VAX1: variants seen among roughly 807,000 people sequenced by gnomAD.
The protein encoded by VAX1 is ventral anterior homeobox 1.
In VAX1, 6 loss-of-function variants were observed where a neutral mutation model predicts 17.6. The ratio of observed to expected loss-of-function variants is 0.34; its 90% CI spans 0.19 to 0.67. The LOEUF (loss-of-function observed/expected upper bound fraction) is 0.67, where lower values mean the gene tolerates loss of function less well. Among genes scored for constraint, VAX1 ranks in the 30% least tolerant of loss-of-function variants. The probability of loss-of-function intolerance (pLI) is 0.69; values close to 1 mark genes in which losing one functional copy is unlikely to be tolerated. For synonymous variants in VAX1, 256 were observed against 227.4 expected (o/e 1.13, Z -1.13); for missense variants, 408 against 463.7 (o/e 0.88, Z 1.10).
downstream of VAX1, among the ~76,000 whole-genome samples, chr10:117,132,683 G>T (rs1295301785): frequency 6.6e-6 from 1 of 152,132 alleles, no homozygotes; most frequent in African/African-American, 2.4e-5. This position sits in a 1 kb window ranked among gnomAD's most constrained non-coding sequence, Gnocchi z 4.9. Context: ...GCTGCGCAGG[G>T]TAAGGAAAGA....
chr10:117,129,812 G>A (rs1199138201), downstream of VAX1: 1 of 152,036 alleles, frequency 6.6e-6, no homozygotes, highest in Non-Finnish European at 1.5e-5. Context: ...GTTTAAAGAT[G>A]TCATTCTAGA....
At position 117,136,402 on chromosome 10, in the gene VAX1, G is replaced by A. The variant is rs1282038294; in HGVS notation, c.429+70C>T. On this transcript the variant is annotated intron_variant, in intron 2 of 2. Transcript: ENST00000369206. The surrounding 1 kb of genome is among the most constrained non-coding windows in gnomAD (Gnocchi z 5.0). ...TGTCCAGAGCAGGTTAGGAGGTGAA[G>A]AGCAGGCTAGGTAGGGGTGGTGGGG... 22 of 1,586,760 alleles carry A rather than the reference G, an allele frequency of 1.4e-5. No individual in the cohort carries two copies. In the Admixed American group the frequency reaches 3.8e-4, roughly 27 times the overall value.
chr10:117,132,130 C>T (rs1432641503), downstream of VAX1: 57 of 1,403,700 alleles, frequency 4.1e-5, no homozygotes, highest in Non-Finnish European at 5.3e-5. The surrounding 1 kb of genome is among the most constrained non-coding windows in gnomAD (Gnocchi z 4.9). Flanking sequence ...CGTAGCCAGG[C>T]GTCTCTGCCT....
chr10:117,130,818 CAGGGAGGGA>C (rs1277783032), downstream of VAX1: 1 of 152,544 alleles, frequency 6.6e-6, no homozygotes, highest in Non-Finnish European at 1.5e-5. Context: ...TTCCCAAAGC[CAGGGAGGGA>C]AGGGAGGTGA....
chr10:117,133,237 A>G (rs1001388995), downstream of VAX1: 3 of 978,900 alleles, frequency 3.1e-6, no homozygotes, highest in Non-Finnish European at 3.6e-6. Context: ...GAATTTTCTT[A>G]CACCTTCCAA....
Position 117,138,095 on chromosome 10 carries a change from G to GAAAAAAAAAA in VAX1, c.-40_-39insTTTTTTTTTT, listed in dbSNP as rs376169796. The GAAAAAAAAAA allele has an allele frequency of 2.5e-5, 2 of 79,942 alleles. No individual in the cohort carries two copies. Among genetic ancestry groups the GAAAAAAAAAA allele is most frequent in the Non-Finnish European group, 3.8e-5 (2 of 52,468 alleles). The allele number at this position is 79,942 out of a possible 1,614,324, so 5.0% of individuals were successfully genotyped here. On this transcript the variant is annotated 5_prime_UTR_variant, in exon 1 of 3. Coordinates refer to ENST00000369206, the MANE Select transcript of VAX1 (RefSeq NM_001112704.2). ...AACAAAAACAGAAAGGAAAAAAAAAGCAAAAAAAAAAAAAAGGGGGGGGGG... is the reference window on the plus strand; with the variant it reads ...AACAAAAACAGAAAGGAAAAAAAAAGAAAAAAAAAACAAAAAAAAAAAAAAGGGGGGGGGG...
In VAX1 at chr10:117,133,558, G is replaced by GA; in HGVS notation, c.*449dup. Reference sequence around the variant, plus strand: ...GAACGTCCTCCTTTTTTGGTCTAAAGAAACCTGGAAGCCCCTGGGGTCTGC... The same window carrying GA: ...GAACGTCCTCCTTTTTTGGTCTAAAGAAAACCTGGAAGCCCCTGGGGTCTGC... On this transcript the variant is annotated 3_prime_UTR_variant, in exon 3 of 3. Transcript: ENST00000369206. The GA allele has an allele frequency of 1.0e-6, 1 of 985,918 alleles. No homozygotes were observed. The highest frequency in any genetic ancestry group is 1.1e-4 in the East Asian group (1 of 8,808). 61.1% of individuals were successfully genotyped at this position (985,918 alleles called of 1,614,324 possible). A position where few individuals can be genotyped will look rare whatever the true frequency, so the allele number is the denominator to read the frequency against.
At chr10:117,129,869 A>T (rs1210730943), downstream of VAX1, 1 of 151,696 alleles carries the variant, frequency 6.6e-6, no homozygotes, top group Non-Finnish European at 1.5e-5. Context: ...AAAAAAAAGG[A>T]AGGAGGGAGA....
rs1268886309 is a variant in VAX1 at position 117,134,025 on chromosome 10, T to C, written c.988A>G (p.Lys330Glu). The change falls in exon 3 of 3, where the codon AAA becomes GAA. Residue 330 changes from lysine to glutamate, a missense_variant. Physicochemically the swap from Lys to Glu is moderately conservative, Grantham distance 56 (BLOSUM62 1). Around this residue, in one of 4 missense-constraint regions of VAX1, gnomAD observed 196 missense variants for 218.7 expected, o/e 0.90. Coordinates refer to ENST00000369206, the MANE Select transcript of VAX1 (RefSeq NM_001112704.2). The surrounding 1 kb of genome is among the most constrained non-coding windows in gnomAD (Gnocchi z 6.2). ...SRTNNKEGAE[K>E]KALD is the part of the protein sequence containing the mutation. ...ACTTAAAATCAGTCCAGCGCTTTTTTCTCGGCCCCTTCTTTATTGTTGGTC... is the reference window on the plus strand; with the variant it reads ...ACTTAAAATCAGTCCAGCGCTTTTTCCTCGGCCCCTTCTTTATTGTTGGTC... 1.3e-6 allele frequency: 2 copies of C among 1,523,634 alleles called. No individual in the cohort carries two copies. Among genetic ancestry groups the C allele is most frequent in the Non-Finnish European group, 8.8e-7 (1 of 1,134,980 alleles). The allele number at this position is 1,523,634 out of a possible 1,614,324, so 94.4% of individuals were successfully genotyped here. A position where few individuals can be genotyped will look rare whatever the true frequency, so the allele number is the denominator to read the frequency against.
chr10:117,132,315 G>C, downstream of VAX1: 1 of 1,613,158 alleles, frequency 6.2e-7, no homozygotes, highest in Non-Finnish European at 8.5e-7. This position sits in a 1 kb window ranked among gnomAD's most constrained non-coding sequence, Gnocchi z 4.9. Flanking sequence ...TCAAATATAA[G>C]ACAAAAATAC....
rs1854196709 is a variant in VAX1 at position 117,137,266 on chromosome 10, G to C, written c.241+550C>G. 6.6e-6 allele frequency among the ~76,000 whole-genome samples: 1 copy of C among 152,092 alleles called. No individual in the cohort carries two copies. The highest frequency in any genetic ancestry group is 2.4e-5 in the African/African-American group (1 of 41,446). The stretch of plus-strand genomic sequence containing the variant: ...GAGCGGCAGAGCAGAGCACCAAAGC[G>C]GCAACCGCGGCTCCGTAACCAAGCC... On this transcript the variant is annotated intron_variant, in intron 1 of 2. Transcript: ENST00000369206. The surrounding 1 kb of genome is among the most constrained non-coding windows in gnomAD (Gnocchi z 7.4).
At chr10:117,131,853 T>A (rs542401599), downstream of VAX1, 2 of 237,094 alleles carry the variant, frequency 8.4e-6, no homozygotes, top group Non-Finnish European at 1.6e-5. Flanking sequence ...GCGAGACTTA[T>A]ATTCTAAGTC....
In VAX1 at chr10:117,133,565, G is replaced by A. The variant is rs778019563; in HGVS notation, c.*443C>T. ...CTCCTTTTTTGGTCTAAAGAAACCT[G>A]GAAGCCCCTGGGGTCTGCGCGCAGT... On this transcript the variant is annotated 3_prime_UTR_variant, in exon 3 of 3. Transcript: ENST00000369206. 1.1e-5 allele frequency: 11 copies of A among 985,898 alleles called. No homozygotes were observed. Among genetic ancestry groups the A allele is most frequent in the African/African-American group, 1.7e-5 (1 of 57,256 alleles). 61.1% of individuals were successfully genotyped at this position (985,898 alleles called of 1,614,324 possible). A position where few individuals can be genotyped will look rare whatever the true frequency, so the allele number is the denominator to read the frequency against.
downstream of VAX1, chr10:117,132,112 C>A (rs1042526416): frequency 7.7e-7 from 1 of 1,293,722 alleles, no homozygotes; most frequent in South Asian, 1.4e-5. The surrounding 1 kb of genome is among the most constrained non-coding windows in gnomAD (Gnocchi z 4.9). Context: ...GGAAGTGGAA[C>A]AAATCGTCGT....
At chr10:117,129,647 G>GGGGTGT (rs139596848), downstream of VAX1, 4 of 146,468 alleles carry the variant, frequency 2.7e-5, no homozygotes, top group African/African-American at 7.5e-5. Context: ...TTCAAGAAGG[G>GGGGTGT]GTGTGTGTGT....
Position 117,134,680 on chromosome 10 carries a change from C to T in VAX1, c.430-97G>A, listed in dbSNP as rs1432935343. 2.3e-6 allele frequency: 3 copies of T among 1,278,668 alleles called. No individual in the cohort carries two copies. Among genetic ancestry groups the T allele is most frequent in the Non-Finnish European group, 3.1e-6 (3 of 968,200 alleles). 79.2% of individuals were successfully genotyped at this position (1,278,668 alleles called of 1,614,324 possible). On this transcript the variant is annotated intron_variant, in intron 2 of 2. Coordinates refer to ENST00000369206, the MANE Select transcript of VAX1 (RefSeq NM_001112704.2). The surrounding 1 kb of genome is among the most constrained non-coding windows in gnomAD (Gnocchi z 6.2). The stretch of plus-strand genomic sequence containing the variant: ...GGGGCGCGCGGCTCCGGGGCTCTCC[C>T]CAAGTCCCAGCCCTATCCGCAGCCC...
In VAX1 at chr10:117,136,678, C is replaced by T. The variant is rs756954494; in HGVS notation, c.242-19G>A. On this transcript the variant is annotated intron_variant, in intron 1 of 2. Transcript: ENST00000369206. This position sits in a 1 kb window ranked among gnomAD's most constrained non-coding sequence, Gnocchi z 5.0. ...TTGGCATCTGGGGAAGGGGAGATGT[C>T]AGCCGCCAGAACCCTCCCGTCCCCC... is the stretch of plus-strand genomic sequence containing the variant. 6 of 1,597,322 alleles carry T rather than the reference C, an allele frequency of 3.8e-6. No homozygotes were observed. The African/African-American group carries it at 6.7e-5, about 18-fold the overall frequency.
chr10:117,136,601 A>G lies in VAX1; in HGVS notation c.300T>C (p.Pro100=). The part of the protein sequence containing the change: ...ILPKGLDLDR[P]KRTRTSFTAE... ...CGGTGAAGGACGTGCGCGTCCTCTTAGGCCGGTCCAAGTCCAGGCCCTTGG... is the reference window on the plus strand; with the variant it reads ...CGGTGAAGGACGTGCGCGTCCTCTTGGGCCGGTCCAAGTCCAGGCCCTTGG... Residue 100 remains proline, a synonymous_variant, in exon 2 of 3, where the codon CCT becomes CCC. Transcript: ENST00000369206. This position sits in a 1 kb window ranked among gnomAD's most constrained non-coding sequence, Gnocchi z 5.0. 6.2e-7 allele frequency: 1 copy of G among 1,613,670 alleles called. No individual in the cohort carries two copies. The highest frequency in any genetic ancestry group is 8.5e-7 in the Non-Finnish European group (1 of 1,179,918).
chr10:117,135,558 A>G (rs1006272715), intron 2 of VAX1, among the ~76,000 whole-genome samples: 2 of 152,200 alleles, frequency 1.3e-5, no homozygotes, highest in African/African-American at 4.8e-5. Context: ...GAACACCCCT[A>G]TCTGTTCTGT....
Sources: allele counts gnomAD v4.1 joint callset (sites outside exome capture counted in the v4.1 genomes callset), GRCh38; gene constraint gnomAD v4.1.1; regional missense constraint gnomAD v4.1.1; non-coding constraint Gnocchi (gnomAD v3.1); transcripts MANE v1.5; gene names NCBI Gene and HGNC (gene_info 2026-07-23, HGNC 2026-07-21).